HMGCLL1: variants seen among roughly 807,000 people sequenced by gnomAD.
HMGCLL1 encodes 3-hydroxymethyl-3-methylglutaryl-CoA lyase, cytoplasmic.
HMGCLL1 carries 36 observed loss-of-function variants against 39.1 expected under a neutral mutation model. The ratio of observed to expected loss-of-function variants is 0.92; its 90% CI spans 0.71 to 1.22. The LOEUF is 1.22. Among genes scored for constraint, HMGCLL1 ranks in the 50% most tolerant of loss-of-function variants. The probability of loss-of-function intolerance (pLI) is 0.00; values close to 1 mark genes in which losing one functional copy is unlikely to be tolerated. For missense variants in HMGCLL1, 451 were observed against 416.5 expected, an observed-to-expected ratio of 1.08 and a Z score of -0.72; for synonymous variants, 149 against 144.0, an observed-to-expected ratio of 1.03 and a Z score of -0.25.
chr6:55,447,123 T>C (rs1763886260), intron 7 of HMGCLL1, among the ~76,000 whole-genome samples: 1 of 151,970 alleles, frequency 6.6e-6, no homozygotes, highest in Non-Finnish European at 1.5e-5. Flanking sequence ...ATACATGAAG[T>C]ATTACTCGTA....
In HMGCLL1 at chr6:55,514,187, C is replaced by A; in HGVS notation, c.403G>T (p.Gly135Ter). ...LQGFHHAVAAGATEISVFGAA... is the reference protein window; with the variant it reads ...LQGFHHAVAA ...CCAAAAACTGATATCTCAGTAGCTC[C>A]AGCAGCAACCTGAAAAATATATAAT... Residue 135 changes from glycine (G) to a stop codon, truncating the protein, a stop_gained, in exon 5 of 9, where the codon GGA becomes TGA. Coordinates refer to ENST00000274901, the MANE Select transcript of HMGCLL1 (RefSeq NM_001042406.2). LOFTEE classifies it high-confidence loss of function. 6.3e-7 allele frequency: 1 copy of A among 1,598,500 alleles called. No homozygotes were observed.
intron 1 of HMGCLL1, among the ~76,000 whole-genome samples, chr6:55,550,963 A>C (rs906107720): frequency 6.6e-6 from 1 of 151,412 alleles, no homozygotes; most frequent in Admixed American, 6.6e-5. Flanking sequence ...GCTATAGCTC[A>C]TCAATTAGCT....
the HMGCLL1 span, among the ~76,000 whole-genome samples, chr6:55,637,712 A>ATGTGTGTGTG: frequency 1.3e-4 from 6 of 44,510 alleles, no homozygotes; most frequent in African/African-American, 2.9e-4. Context: ...CTATAATTTG[A>ATGTGTGTGTG]TATGTGTGTG....
chr6:55,568,473 C>T (rs1334647321), intron 1 of HMGCLL1, among the ~76,000 whole-genome samples: 1 of 151,956 alleles, frequency 6.6e-6, no homozygotes, highest in Non-Finnish European at 1.5e-5. Flanking sequence ...CCTGAGGAAG[C>T]TAAATATATT....
intron 1 of HMGCLL1, among the ~76,000 whole-genome samples, chr6:55,561,518 A>C (rs1770945754): frequency 6.6e-6 from 1 of 152,128 alleles, no homozygotes; most frequent in Non-Finnish European, 1.5e-5. Flanking sequence ...ATTATAATTC[A>C]TTAGGTTAGA....
At chr6:55,523,359 A>G (rs959498792) in intron 3 of HMGCLL1, among the ~76,000 whole-genome samples, 1 of 152,018 alleles carries the variant, frequency 6.6e-6, no homozygotes, top group Admixed American at 6.6e-5. Flanking sequence ...TTGAAAGGTA[A>G]GCTTTACTGG....
chr6:55,491,618 AAT>A (rs1406926191), intron 7 of HMGCLL1, among the ~76,000 whole-genome samples: 17 of 152,294 alleles, frequency 1.1e-4, no homozygotes, highest in African/African-American at 4.1e-4. Context: ...AGTGGAGAAA[AAT>A]AGAGGCTGAG....
At chr6:55,493,456 A>G (rs1054767011) in intron 7 of HMGCLL1, among the ~76,000 whole-genome samples, 1 of 152,196 alleles carries the variant, frequency 6.6e-6, no homozygotes, top group Non-Finnish European at 1.5e-5. Context: ...TGGCTGCTAT[A>G]AGATGGAAAA....
At chr6:55,606,798 G>A in the HMGCLL1 span, among the ~76,000 whole-genome samples, 6 of 152,152 alleles carry the variant, frequency 3.9e-5, no homozygotes, top group East Asian at 7.7e-4. Context: ...TGGGTGAGGC[G>A]ATTATCCTGG....
the HMGCLL1 span, among the ~76,000 whole-genome samples, chr6:55,669,850 A>G: frequency 6.6e-6 from 1 of 151,868 alleles, no homozygotes; most frequent in Admixed American, 6.6e-5. Context: ...CAGAGCCTCA[A>G]GGAAATGTGG....
At chr6:55,553,909 A>G (rs1373755546) in intron 1 of HMGCLL1, among the ~76,000 whole-genome samples, 1 of 152,210 alleles carries the variant, frequency 6.6e-6, no homozygotes, top group Non-Finnish European at 1.5e-5. Context: ...TTCAGCAAGG[A>G]GCTCAAAACA....
the HMGCLL1 span, among the ~76,000 whole-genome samples, chr6:55,667,357 T>G: frequency 6.6e-6 from 1 of 151,848 alleles, no homozygotes; most frequent in African/African-American, 2.4e-5. Context: ...TTACCAAGTG[T>G]GTACTATGTA....
At position 55,519,932 on chromosome 6, in the gene HMGCLL1, G is replaced by A. The variant is rs542729787; in HGVS notation, c.298-3329C>T. On this transcript the variant is annotated intron_variant, in intron 3 of 8. Transcript: ENST00000274901. Reference sequence around the variant, plus strand: ...ATAATTTAACAAAAATCTTGAGACAGTGGGAACAAGCTTATATAATGAAGC... The same window carrying A: ...ATAATTTAACAAAAATCTTGAGACAATGGGAACAAGCTTATATAATGAAGC... 7.2e-5 allele frequency among the ~76,000 whole-genome samples: 11 copies of A among 152,020 alleles called. No individual in the cohort carries two copies. In the East Asian group the frequency reaches 1.5e-3, roughly 21 times the overall value.
chr6:55,669,047 C>A, the HMGCLL1 span, among the ~76,000 whole-genome samples: 1 of 150,854 alleles, frequency 6.6e-6, no homozygotes, highest in Non-Finnish European at 1.5e-5. Flanking sequence ...CAATTTCTGG[C>A]CAAAGTACCA....
At chr6:55,655,709 T>A in the HMGCLL1 span, among the ~76,000 whole-genome samples, 34 of 152,034 alleles carry the variant, frequency 2.2e-4, no homozygotes, top group Admixed American at 2.2e-3. Context: ...ACCTTCATAC[T>A]TACCAACACT....
At chr6:55,623,102 A>G in the HMGCLL1 span, among the ~76,000 whole-genome samples, 4 of 151,886 alleles carry the variant, frequency 2.6e-5, no homozygotes, top group Non-Finnish European at 5.9e-5. Context: ...GTTATAATAT[A>G]TCCTTTCTCA....
the HMGCLL1 span, among the ~76,000 whole-genome samples, chr6:55,650,955 C>T: frequency 2.6e-5 from 4 of 152,032 alleles, no homozygotes; most frequent in East Asian, 1.9e-4. Flanking sequence ...CCAACTGGCC[C>T]AGGGTAGGCC....
chr6:55,637,714 ATG>A, the HMGCLL1 span, among the ~76,000 whole-genome samples: 1,040 of 148,678 alleles, frequency 7.0e-3, 19 homozygotes, highest in African/African-American at 0.023. Flanking sequence ...ATAATTTGAT[ATG>A]TGTGTGTGTG....
intron 1 of HMGCLL1, among the ~76,000 whole-genome samples, chr6:55,577,641 G>A (rs906374522): frequency 5.9e-5 from 9 of 152,086 alleles, no homozygotes; most frequent in African/African-American, 1.9e-4. Context: ...AAAATAAAGA[G>A]GGAGAGAGAA....
Sources: allele counts gnomAD v4.1 joint callset (sites outside exome capture counted in the v4.1 genomes callset), GRCh38; gene constraint gnomAD v4.1.1; transcripts MANE v1.5; gene names NCBI Gene and HGNC (gene_info 2026-07-23, HGNC 2026-07-21).